Variants in GRID2 observed in about 807,000 individuals in gnomAD.
The protein encoded by GRID2 is glutamate receptor ionotropic, delta-2.
A neutral mutation model predicts 114.8 loss-of-function variants in GRID2; 33 were observed. The ratio of observed to expected loss-of-function variants is 0.29; its 90% CI spans 0.22 to 0.38. The LOEUF is 0.38. GRID2 is among the 10% of genes least tolerant of loss of function. The pLI, the probability that GRID2 is intolerant of heterozygous loss-of-function variation, is 1.00. For synonymous variants in GRID2, 505 were observed against 449.9 expected, an observed-to-expected ratio of 1.12 and a Z score of -1.55; for missense variants, 1,184 against 1,257.7, an observed-to-expected ratio of 0.94 and a Z score of 0.89.
intron 14 of GRID2, among the ~76,000 whole-genome samples, chr4:93,667,383 TCTCTC>T (rs1216998378): frequency 6.7e-6 from 1 of 148,170 alleles, no homozygotes; most frequent in African/African-American, 2.6e-5. Flanking sequence ...AGATTCTCTC[TCTCTC>T]TTTTTTTTTT....
At chr4:92,488,692 G>T (rs929343837) in intron 1 of GRID2, among the ~76,000 whole-genome samples, 1 of 152,062 alleles carries the variant, frequency 6.6e-6, no homozygotes, top group Non-Finnish European at 1.5e-5. Context: ...GCTGAGGAAG[G>T]GTAAAAGAAC....
chr4:93,719,026 G>A (rs1729137319), intron 14 of GRID2, among the ~76,000 whole-genome samples: 1 of 151,548 alleles, frequency 6.6e-6, no homozygotes, highest in Admixed American at 6.6e-5. Context: ...GAAAGCTTTT[G>A]GATGATAATA....
chr4:92,981,394 T>C (rs1317394896), intron 2 of GRID2, among the ~76,000 whole-genome samples: 1 of 152,066 alleles, frequency 6.6e-6, no homozygotes, highest in Non-Finnish European at 1.5e-5. Flanking sequence ...CATTATCTAG[T>C]TGTAACAGTA....
At chr4:93,427,273 C>A (rs1271528909) in intron 10 of GRID2, among the ~76,000 whole-genome samples, 1 of 151,676 alleles carries the variant, frequency 6.6e-6, no homozygotes, top group Non-Finnish European at 1.5e-5. Context: ...CCCTATAAAC[C>A]AAAATTACAC....
intron 2 of GRID2, among the ~76,000 whole-genome samples, chr4:92,908,302 A>C (rs758460276): frequency 1.3e-5 from 2 of 152,194 alleles, no homozygotes; most frequent in Non-Finnish European, 2.9e-5. Context: ...TTTTAACAAT[A>C]AATTATTCCT....
chr4:92,704,370 C>T (rs191642836), intron 2 of GRID2, among the ~76,000 whole-genome samples: 39 of 152,186 alleles, frequency 2.6e-4, no homozygotes, highest in Admixed American at 2.1e-3. Context: ...TTCATTACTT[C>T]CCTAGTTGTT....
At chr4:92,853,365 T>C (rs1041040314) in intron 2 of GRID2, among the ~76,000 whole-genome samples, 1 of 152,070 alleles carries the variant, frequency 6.6e-6, no homozygotes, top group African/African-American at 2.4e-5. Flanking sequence ...ATGAATTAAT[T>C]AATGAGAGGT....
At chr4:93,600,980 G>T (rs1317792851) in intron 13 of GRID2, among the ~76,000 whole-genome samples, 1 of 152,164 alleles carries the variant, frequency 6.6e-6, no homozygotes, top group Non-Finnish European at 1.5e-5. Flanking sequence ...AATCTGTCAT[G>T]GTGAGAGAAA....
At chr4:93,614,637 C>G (rs72889174) in intron 13 of GRID2, among the ~76,000 whole-genome samples, 5,657 of 152,056 alleles carry the variant, frequency 0.037, 354 homozygotes, top group African/African-American at 0.13. Flanking sequence ...TAAGTAGTAA[C>G]TGATAGTAGT....
At chr4:92,987,728 A>C (rs1330815583) in intron 2 of GRID2, among the ~76,000 whole-genome samples, 2 of 151,372 alleles carry the variant, frequency 1.3e-5, no homozygotes, top group Non-Finnish European at 2.9e-5. Context: ...ATGAATTTAG[A>C]CTTAGAGATT....
chr4:93,607,422 G>A (rs987598680), intron 13 of GRID2, among the ~76,000 whole-genome samples: 7 of 152,042 alleles, frequency 4.6e-5, no homozygotes, highest in Non-Finnish European at 1.0e-4. Context: ...ATGTTTCCTG[G>A]CAGGAACACA....
intron 1 of GRID2, among the ~76,000 whole-genome samples, chr4:93,789,286 A>G (rs1734650261): frequency 6.6e-6 from 1 of 152,262 alleles, no homozygotes; most frequent in African/African-American, 2.4e-5. Context: ...TAAAAGGAAT[A>G]GAAATAAGTA....
intron 2 of GRID2, among the ~76,000 whole-genome samples, chr4:92,682,737 A>T (rs1382345702): frequency 6.6e-6 from 1 of 151,312 alleles, no homozygotes; most frequent in Non-Finnish European, 1.5e-5. Context: ...GGGAGGAAAC[A>T]TAAACATAAT....
At chr4:93,049,640 T>G (rs1203624876) in intron 2 of GRID2, among the ~76,000 whole-genome samples, 1 of 151,958 alleles carries the variant, frequency 6.6e-6, no homozygotes, top group Non-Finnish European at 1.5e-5. Flanking sequence ...CAGTGTTTTT[T>G]TGGAAGTATA....
chr4:93,145,319 A>G (rs11097359), intron 4 of GRID2, among the ~76,000 whole-genome samples: 11,638 of 152,230 alleles, frequency 0.076, 483 homozygotes, highest in East Asian at 0.18. Flanking sequence ...TGTCTAACAC[A>G]TACTAGGTAT....
chr4:93,403,637 G>A (rs970492098), intron 9 of GRID2, among the ~76,000 whole-genome samples: 1 of 152,058 alleles, frequency 6.6e-6, no homozygotes, highest in African/African-American at 2.4e-5. Context: ...GCTCAGCATA[G>A]TTTTCCATCA....
chr4:93,416,472 T>A (rs1008863381), intron 9 of GRID2, among the ~76,000 whole-genome samples: 1 of 152,024 alleles, frequency 6.6e-6, no homozygotes, highest in African/African-American at 2.4e-5. Context: ...GAGCTACATA[T>A]GTGAGCAGAA....
chr4:93,472,154 A>T (rs1322162619), intron 11 of GRID2, among the ~76,000 whole-genome samples: 1 of 151,444 alleles, frequency 6.6e-6, no homozygotes, highest in Non-Finnish European at 1.5e-5. Flanking sequence ...AAGAAACCCC[A>T]TCTCTACTAT....
intron 1 of GRID2, among the ~76,000 whole-genome samples, chr4:92,588,074 A>G (rs934882920): frequency 6.6e-6 from 1 of 152,178 alleles, no homozygotes; most frequent in African/African-American, 2.4e-5. Context: ...CTAACAAACT[A>G]TTAAAGAAAT....
Sources: gnomAD v4.1 joint callset for allele counts (sites outside exome capture counted in the v4.1 genomes callset) on GRCh38, gnomAD v4.1.1 for gene constraint, MANE v1.5 for transcripts, NCBI Gene and HGNC (gene_info 2026-07-23, HGNC 2026-07-21) for gene names.